Variants in CALN1 observed in about 807,000 individuals in gnomAD.
CALN1 encodes calneuron 1, also known as calcium-binding protein 8.
Under a neutral mutation model 30.6 loss-of-function variants are expected in CALN1, and 17 were observed. That is an observed-to-expected ratio of 0.56 (90% CI 0.38 to 0.83). CALN1 has a LOEUF of 0.83. CALN1 is among the 40% of genes least tolerant of loss of function. The pLI is 0.00. For missense variants in CALN1, 291 were observed against 354.9 expected, an observed-to-expected ratio of 0.82 and a Z score of 1.45; for synonymous variants, 156 against 131.4, an observed-to-expected ratio of 1.19 and a Z score of -1.28.
chr7:72,071,601 C>A (rs970815629), intron 4 of CALN1, among the ~76,000 whole-genome samples: 1 of 152,160 alleles, frequency 6.6e-6, no homozygotes, highest in Non-Finnish European at 1.5e-5. Context: ...CCAAAGACAG[C>A]CTATGACAAT....
At chr7:71,950,450 TTC>T (rs886180212) in intron 5 of CALN1, among the ~76,000 whole-genome samples, 3 of 152,158 alleles carry the variant, frequency 2.0e-5, no homozygotes, top group Non-Finnish European at 4.4e-5. Flanking sequence ...TCATCTTTGA[TTC>T]TGTGTCTTCC....
chr7:71,781,157 G>C lies in CALN1; in HGVS notation c.*6618C>G, dbSNP rs1184134723. On this transcript the variant is annotated 3_prime_UTR_variant, in exon 7 of 7. Transcript: ENST00000395275. The stretch of plus-strand genomic sequence containing the variant: ...GGAGCATTCACTCCATCTTGTTTCA[G>C]ACAAAATAGATGGGAGGGCTTGTCT... 6.6e-6 allele frequency: 1 copy of C among 152,200 alleles called. No homozygotes were observed. The highest frequency in any genetic ancestry group is 1.5e-5 in the Non-Finnish European group (1 of 68,036). 9.4% of individuals were successfully genotyped at this position (152,200 alleles called of 1,614,324 possible). A position where few individuals can be genotyped will look rare whatever the true frequency, so the allele number is the denominator to read the frequency against.
intron 3 of CALN1, among the ~76,000 whole-genome samples, chr7:72,268,882 C>G (rs1159912263): frequency 6.6e-6 from 1 of 151,512 alleles, no homozygotes; most frequent in Non-Finnish European, 1.5e-5. Context: ...CAAGAATAAC[C>G]CTCCCACCAT....
intron 3 of CALN1, among the ~76,000 whole-genome samples, chr7:72,259,646 T>G (rs1796142289): frequency 6.6e-6 from 1 of 152,184 alleles, no homozygotes; most frequent in South Asian, 2.1e-4. Context: ...TCACATTAAT[T>G]TCCCTCATCT....
At chr7:72,023,575 A>G (rs1422302322) in intron 5 of CALN1, 82 bp downstream of exon 5, 3 of 994,672 alleles carry the variant, frequency 3.0e-6, no homozygotes, top group Non-Finnish European at 4.7e-6. Context: ...CGTGCCAAAT[A>G]GAAGTTCAAG....
intron 5 of CALN1, among the ~76,000 whole-genome samples, chr7:71,899,665 A>G (rs1169662931): frequency 6.6e-6 from 1 of 152,212 alleles, no homozygotes; most frequent in Admixed American, 6.5e-5. Context: ...AATCACTCTA[A>G]AGTTCATATG....
intron 5 of CALN1, among the ~76,000 whole-genome samples, chr7:71,914,360 C>T (rs1394718662): frequency 6.6e-6 from 1 of 152,196 alleles, no homozygotes; most frequent in Non-Finnish European, 1.5e-5. Flanking sequence ...CAGCTCCATC[C>T]TTGTCCTTGC....
chr7:72,047,255 A>G (rs1802529097), intron 4 of CALN1, among the ~76,000 whole-genome samples: 1 of 152,304 alleles, frequency 6.6e-6, no homozygotes, highest in East Asian at 1.9e-4. Context: ...TTCCACAAAG[A>G]AGATTTGTCC....
At chr7:72,136,909 A>G (rs1232678949) in intron 3 of CALN1, among the ~76,000 whole-genome samples, 1 of 152,174 alleles carries the variant, frequency 6.6e-6, no homozygotes, top group Non-Finnish European at 1.5e-5. Context: ...TTGTGGCCTC[A>G]AAAAAATCAC....
intron 6 of CALN1, among the ~76,000 whole-genome samples, chr7:71,790,376 G>GA (rs373242435): frequency 2.3e-5 from 1 of 43,630 alleles, no homozygotes; most frequent in African/African-American, 7.4e-5. Flanking sequence ...AGAAAAGAAA[G>GA]AAAGAAAGAA....
At chr7:72,034,159 C>T (rs1801632968) in intron 4 of CALN1, among the ~76,000 whole-genome samples, 2 of 151,864 alleles carry the variant, frequency 1.3e-5, no homozygotes, top group South Asian at 4.2e-4. Context: ...TGAGACCATC[C>T]TGGCTAACAC....
intron 5 of CALN1, among the ~76,000 whole-genome samples, chr7:71,951,076 C>T (rs142911760): frequency 2.0e-4 from 31 of 152,308 alleles, no homozygotes; most frequent in African/African-American, 6.3e-4. Context: ...TGCCCCATCT[C>T]TCTCATTCAC....
chr7:71,903,902 T>C (rs1793994043), intron 5 of CALN1, among the ~76,000 whole-genome samples: 1 of 151,660 alleles, frequency 6.6e-6, no homozygotes, highest in East Asian at 1.9e-4. Context: ...GAATAGATGA[T>C]TTTTTCAAAA....
At chr7:71,789,537 G>A (rs1238405973) in intron 6 of CALN1, among the ~76,000 whole-genome samples, 1 of 152,162 alleles carries the variant, frequency 6.6e-6, no homozygotes, top group Non-Finnish European at 1.5e-5. Context: ...TGCTGCTGAA[G>A]TTGGGGAAGT....
At chr7:72,240,287 TG>T (rs924097019) in intron 3 of CALN1, among the ~76,000 whole-genome samples, 2 of 152,014 alleles carry the variant, frequency 1.3e-5, no homozygotes, top group African/African-American at 4.8e-5. Context: ...CTTGAATTCC[TG>T]GGCTCAAGCT....
At chr7:72,351,676 A>G (rs943016508) in intron 2 of CALN1, among the ~76,000 whole-genome samples, 1 of 152,218 alleles carries the variant, frequency 6.6e-6, no homozygotes, top group African/African-American at 2.4e-5. Flanking sequence ...TAAACCCCAG[A>G]ACACAAAGAG....
intron 2 of CALN1, among the ~76,000 whole-genome samples, chr7:72,299,399 T>C (rs935600537): frequency 2.6e-5 from 4 of 151,922 alleles, no homozygotes; most frequent in Non-Finnish European, 5.9e-5. Flanking sequence ...AACTAAAAAA[T>C]AAAAATGAAA....
At chr7:71,877,757 A>G (rs951528832) in intron 5 of CALN1, among the ~76,000 whole-genome samples, 1 of 152,230 alleles carries the variant, frequency 6.6e-6, no homozygotes, top group African/African-American at 2.4e-5. Flanking sequence ...GCCCCATTGG[A>G]ACCACAGACT....
intron 3 of CALN1, among the ~76,000 whole-genome samples, chr7:72,197,670 AAAAT>A (rs754049095): frequency 5.3e-5 from 8 of 152,114 alleles, no homozygotes; most frequent in Non-Finnish European, 7.4e-5. Context: ...TCCCTACAAA[AAAAT>A]AAATAAATAA....
Sources: allele counts gnomAD v4.1 joint callset (sites outside exome capture counted in the v4.1 genomes callset), GRCh38; gene constraint gnomAD v4.1.1; transcripts MANE v1.5; gene names NCBI Gene and HGNC (gene_info 2026-07-23, HGNC 2026-07-21).